The following ETS2 variants were observed in gnomAD, a reference collection of about 807,000 sequenced individuals.
ETS2 encodes the protein ETS proto-oncogene 2, transcription factor.
ETS2 carries 19 observed loss-of-function variants against 54.9 expected under a neutral mutation model. That is an observed-to-expected ratio of 0.35 (90% CI 0.24 to 0.51). The LOEUF (loss-of-function observed/expected upper bound fraction) is 0.51. Ranked by LOEUF, ETS2 falls within the 20% of genes least tolerant of loss-of-function variation. The pLI, the probability that ETS2 is intolerant of heterozygous loss-of-function variation, is 0.97. For missense variants in ETS2, 417 were observed against 593.0 expected (o/e 0.70, Z 3.08); for synonymous variants, 219 against 229.3 (o/e 0.95, Z 0.41).
rs2060955999 is a variant in ETS2 at position 38,821,049 on chromosome 21, C to A, written c.1076-537C>A. Among the ~76,000 whole-genome samples the A allele has an allele frequency of 3.9e-5, 6 of 152,170 alleles. No individual in the cohort carries two copies. ...AGAGGCTGTGAGGCAACGGGTGTGA[C>A]CCCGCGTGGCTATTGAGTAAACCGG... On this transcript the variant is annotated intron_variant, in intron 8 of 9. Transcript: ENST00000360938. This position sits in a 1 kb window ranked among gnomAD's most constrained non-coding sequence, Gnocchi z 4.2.
At chr21:38,809,817 T>C in intron 1 of ETS2, 1 of 432,428 alleles carries the variant, frequency 2.3e-6, no homozygotes, top group Non-Finnish European at 4.1e-6. Context: ...AGCATTATTA[T>C]TCAATCACTG....
chr21:38,811,788 T>A (rs1015933652), intron 2 of ETS2, among the ~76,000 whole-genome samples: 5 of 152,264 alleles, frequency 3.3e-5, no homozygotes, highest in Admixed American at 3.3e-4. Flanking sequence ...TAAACCTATT[T>A]CCTTTGGAAA....
At position 38,823,151 on chromosome 21, in the gene ETS2, G is replaced by A. The variant is rs564973656; in HGVS notation, c.*262G>A. 3 of 327,676 alleles carry A rather than the reference G, an allele frequency of 9.2e-6. No individual in the cohort carries two copies. Among genetic ancestry groups the A allele is most frequent in the East Asian group, 9.9e-5 (2 of 20,216 alleles). The allele number at this position is 327,676 out of a possible 1,614,324, so 20.3% of individuals were successfully genotyped here. A position where few individuals can be genotyped will look rare whatever the true frequency, so the allele number is the denominator to read the frequency against. ...AGAGGCACCAGGAAGCCGTCCTGGCGCCTGGCAGTCCGTGGGACGGGATGG... is the reference window on the plus strand; with the variant it reads ...AGAGGCACCAGGAAGCCGTCCTGGCACCTGGCAGTCCGTGGGACGGGATGG... On this transcript the variant is annotated 3_prime_UTR_variant, in exon 10 of 10. Coordinates refer to ENST00000360938, the MANE Select transcript of ETS2 (RefSeq NM_005239.6).
chr21:38,806,770 G>A lies in ETS2; in HGVS notation c.-1+650G>A, dbSNP rs2060895023. ...AAATGAGATCTGGTTGCGCTGGGCT[G>A]CCTTTATTTTCTCGTTCCTACAGCA... On this transcript the variant is annotated intron_variant, in intron 1 of 9. Coordinates refer to ENST00000360938, the MANE Select transcript of ETS2 (RefSeq NM_005239.6). This position sits in a 1 kb window ranked among gnomAD's most constrained non-coding sequence, Gnocchi z 4.3. 3 of 985,492 alleles carry A rather than the reference G, an allele frequency of 3.0e-6. No homozygotes were observed. The highest frequency in any genetic ancestry group is 3.6e-6 in the Non-Finnish European group (3 of 829,964). 61.0% of individuals were successfully genotyped at this position (985,492 alleles called of 1,614,324 possible). A position where few individuals can be genotyped will look rare whatever the true frequency, so the allele number is the denominator to read the frequency against.
chr21:38,818,379 G>A (rs2060943538), intron 6 of ETS2, 46 bp from the exon 7 acceptor site: 1 of 1,612,012 alleles, frequency 6.2e-7, no homozygotes, highest in East Asian at 2.2e-5. Context: ...AGTTACTGGG[G>A]TAACACTGAC....
At chr21:38,820,727 T>G (rs1174113011) in intron 8 of ETS2, among the ~76,000 whole-genome samples, 2 of 152,248 alleles carry the variant, frequency 1.3e-5, no homozygotes, top group South Asian at 4.1e-4. Flanking sequence ...CAGCTCTGGT[T>G]CTAGAATGCC....
rs188627740 is a variant in ETS2 at position 38,806,940 on chromosome 21, G to A, written c.-1+820G>A. 55 of 608,114 alleles carry A rather than the reference G, an allele frequency of 9.0e-5. No individual in the cohort carries two copies. In the African/African-American group the frequency reaches 9.6e-4, roughly 11 times the overall value. 37.7% of individuals were successfully genotyped at this position (608,114 alleles called of 1,614,324 possible). A position where few individuals can be genotyped will look rare whatever the true frequency, so the allele number is the denominator to read the frequency against. On this transcript the variant is annotated intron_variant, in intron 1 of 9. Coordinates refer to ENST00000360938, the MANE Select transcript of ETS2 (RefSeq NM_005239.6). This position sits in a 1 kb window ranked among gnomAD's most constrained non-coding sequence, Gnocchi z 4.3. ...GCCTAAAACAGTAGTTGACGCGCTAGTTATTTAGAAAGTAAAGAAATGAGC... is the reference window on the plus strand; with the variant it reads ...GCCTAAAACAGTAGTTGACGCGCTAATTATTTAGAAAGTAAAGAAATGAGC...
Position 38,823,912 on chromosome 21 carries a change from C to G in ETS2, c.*1023C>G, listed in dbSNP as rs1051476. 51,718 of 152,124 alleles carry G rather than the reference C, an allele frequency of 0.34. 8,788 individuals carry two copies. The highest frequency in any genetic ancestry group is 0.36 in the Non-Finnish European group (24,229 of 67,846). The allele number at this position is 152,124 out of a possible 1,614,324, so 9.4% of individuals were successfully genotyped here. A position where few individuals can be genotyped will look rare whatever the true frequency, so the allele number is the denominator to read the frequency against. ...CCGACAGCTCACCTCTCTCTGACCACCCAGCCATTTCCTTCCTGTGCTCCA... is the reference window on the plus strand; with the variant it reads ...CCGACAGCTCACCTCTCTCTGACCAGCCAGCCATTTCCTTCCTGTGCTCCA... On this transcript the variant is annotated 3_prime_UTR_variant, in exon 10 of 10. Transcript: ENST00000360938.
intron 9 of ETS2, among the ~76,000 whole-genome samples, chr21:38,822,112 G>A (rs563111253): frequency 4.6e-5 from 7 of 152,274 alleles, no homozygotes; most frequent in African/African-American, 1.7e-4. Context: ...CCCCAGCCCT[G>A]CAGAGTTAGA....
rs966963070 is a variant in ETS2, at chr21:38,821,041, G to A, written c.1076-545G>A. The stretch of plus-strand genomic sequence containing the variant: ...CACCAGACAGAGGCTGTGAGGCAAC[G>A]GGTGTGACCCCGCGTGGCTATTGAG... On this transcript the variant is annotated intron_variant, in intron 8 of 9. Coordinates refer to ENST00000360938, the MANE Select transcript of ETS2 (RefSeq NM_005239.6). The surrounding 1 kb of genome is among the most constrained non-coding windows in gnomAD (Gnocchi z 4.2). Among the ~76,000 whole-genome samples the A allele has an allele frequency of 2.6e-5, 4 of 152,182 alleles. No homozygotes were observed. Among genetic ancestry groups the A allele is most frequent in the African/African-American group, 4.8e-5 (2 of 41,442 alleles).
At chr21:38,813,672 G>A (rs115319220) in intron 3 of ETS2, among the ~76,000 whole-genome samples, 1,669 of 152,350 alleles carry the variant, frequency 0.011, 36 homozygotes, top group African/African-American at 0.038. Flanking sequence ...ACATGCCAGA[G>A]ATGACTGTGT....
intron 2 of ETS2, among the ~76,000 whole-genome samples, chr21:38,811,071 A>G (rs1457651813): frequency 6.6e-6 from 1 of 152,178 alleles, no homozygotes; most frequent in African/African-American, 2.4e-5. Flanking sequence ...TCCTTCTATT[A>G]ATTCAAATAA....
upstream of ETS2, chr21:38,805,420 C>A (rs191293935): frequency 7.8e-7 from 1 of 1,288,696 alleles, no homozygotes; most frequent in African/African-American, 1.5e-5. This position sits in a 1 kb window ranked among gnomAD's most constrained non-coding sequence, Gnocchi z 5.2. Context: ...ACCACTGCTC[C>A]GTCGCTGCGG....
chr21:38,815,175 A>AGTGTGTGTGTGT (rs3065531), intron 5 of ETS2, among the ~76,000 whole-genome samples, 194 bp downstream of exon 5: 1,568 of 149,896 alleles, frequency 0.01, 31 homozygotes, highest in African/African-American at 0.036. Flanking sequence ...ACTTTATGTG[A>AGTGTGTGTGTGT]GTGTGTGTGT....
chr21:38,807,319 T>C (rs189676363), intron 1 of ETS2, among the ~76,000 whole-genome samples: 1 of 152,252 alleles, frequency 6.6e-6, no homozygotes, highest in East Asian at 1.9e-4. Flanking sequence ...TAATCTTACA[T>C]AAGTGATTAC....
At chr21:38,808,473 T>A (rs182378569) in intron 1 of ETS2, among the ~76,000 whole-genome samples, 9 of 152,304 alleles carry the variant, frequency 5.9e-5, no homozygotes, top group Middle Eastern at 3.4e-3. Context: ...TTATTGCCAG[T>A]GCTGACCAGC....
At chr21:38,808,511 G>A (rs1325016341) in intron 1 of ETS2, among the ~76,000 whole-genome samples, 1 of 151,732 alleles carries the variant, frequency 6.6e-6, no homozygotes, top group African/African-American at 2.4e-5. Flanking sequence ...ATCATTACCT[G>A]CACTCCGAGT....
chr21:38,819,415 A>G (rs148255715), intron 7 of ETS2, 88 bp from the exon 8 acceptor site: 1 of 1,214,060 alleles, frequency 8.2e-7, no homozygotes, highest in African/African-American at 1.5e-5. Flanking sequence ...GCATGATTGC[A>G]CTGGTAGTGG....
At chr21:38,818,961 G>A (rs1243005214) in intron 7 of ETS2, among the ~76,000 whole-genome samples, 1 of 152,196 alleles carries the variant, frequency 6.6e-6, no homozygotes, top group African/African-American at 2.4e-5. Flanking sequence ...CAGTGCACAA[G>A]TCTCAGGTCA....
Sources: allele counts gnomAD v4.1 joint callset (sites outside exome capture counted in the v4.1 genomes callset), GRCh38; gene constraint gnomAD v4.1.1; non-coding constraint Gnocchi (gnomAD v3.1); transcripts MANE v1.5; gene names NCBI Gene and HGNC (gene_info 2026-07-23, HGNC 2026-07-21).